The following MAP1LC3C variants were observed in gnomAD, a reference collection of about 807,000 sequenced individuals.
MAP1LC3C encodes microtubule associated protein 1 light chain 3 gamma, also known as microtubule-associated protein 1 light chain 3 gamma.
Under a neutral mutation model 10.4 loss-of-function variants are expected in MAP1LC3C, and 12 were observed. The ratio of observed to expected loss-of-function variants is 1.15; its 90% confidence interval spans 0.74 to 1.86. The LOEUF is 1.86. MAP1LC3C is among the 40% of genes most tolerant of loss of function. The pLI is 0.00. For missense variants in MAP1LC3C, 177 were observed against 185.7 expected (o/e 0.95, Z 0.27); for synonymous variants, 70 against 69.0 (o/e 1.01, Z -0.07).
upstream of MAP1LC3C, among the ~76,000 whole-genome samples, chr1:242,000,613 G>A (rs573646055): frequency 2.0e-5 from 3 of 152,212 alleles, no homozygotes; most frequent in East Asian, 5.8e-4. Flanking sequence ...TAATTGGCTA[G>A]AATGACTCAC....
At chr1:242,000,923 C>G (rs995476236), upstream of MAP1LC3C, among the ~76,000 whole-genome samples, 1 of 152,242 alleles carries the variant, frequency 6.6e-6, no homozygotes, top group East Asian at 1.9e-4. Context: ...TTCTGGCGAC[C>G]AGCCCCCATC....
intron 2 of MAP1LC3C, 62 bp from the exon 3 acceptor site, chr1:241,998,682 A>G: frequency 6.2e-7 from 1 of 1,608,652 alleles, no homozygotes; most frequent in Non-Finnish European, 8.5e-7. Flanking sequence ...CTTGGAACAG[A>G]CAGAGGGAAG....
At chr1:241,996,843 G>A (rs966036267) in intron 3 of MAP1LC3C, among the ~76,000 whole-genome samples, 7 of 137,872 alleles carry the variant, frequency 5.1e-5, no homozygotes, top group Admixed American at 1.6e-4. Context: ...ACCAGGAGGC[G>A]GAGGTTGCAG....
intron 2 of MAP1LC3C, 69 bp from the exon 3 acceptor site, chr1:241,998,689 G>A: frequency 1.2e-6 from 2 of 1,608,246 alleles, no homozygotes; most frequent in South Asian, 1.1e-5. Context: ...CAGACAGAGG[G>A]AAGCTGTTGG....
chr1:241,999,233 T>TTCTCTGACCAGCAA, upstream of MAP1LC3C: 1 of 400,308 alleles, frequency 2.5e-6, no homozygotes, highest in Non-Finnish European at 3.4e-6. Flanking sequence ...GCCACCTGCT[T>TTCTCTGACCAGCAA]GCTGGTCAGA....
intron 2 of MAP1LC3C, 70 bp downstream of exon 2, chr1:241,998,706 T>C: frequency 6.2e-7 from 1 of 1,611,564 alleles, no homozygotes; most frequent in East Asian, 2.2e-5. Flanking sequence ...TTGGCTGCTC[T>C]TGGTTTTTCA....
At chr1:241,997,828 C>G (rs1224253096) in intron 3 of MAP1LC3C, among the ~76,000 whole-genome samples, 1 of 152,066 alleles carries the variant, frequency 6.6e-6, no homozygotes, top group Non-Finnish European at 1.5e-5. Flanking sequence ...CACACATACA[C>G]TTGGAAAAGG....
At chr1:242,000,986 A>G (rs547021647), upstream of MAP1LC3C, among the ~76,000 whole-genome samples, 1 of 152,252 alleles carries the variant, frequency 6.6e-6, no homozygotes, top group Admixed American at 6.5e-5. Flanking sequence ...CTAAAAAAAG[A>G]CACTTATTGC....
Position 241,996,190 on chromosome 1 carries a change from A to G in MAP1LC3C, c.417T>C (p.Leu139=). Reference sequence around the variant, plus strand: ...AGAGAGGATTGCAGGGTCTGTCCTCAAGGCTGCTCCCATCCCTGGGGGCTG... The same window carrying G: ...AGAGAGGATTGCAGGGTCTGTCCTCGAGGCTGCTCCCATCCCTGGGGGCTG... The part of the protein sequence containing the change: ...ESAAPRDGSS[L]EDRPCNPL Residue 139 remains leucine, a synonymous_variant, in exon 4 of 4, where the codon CTT becomes CTC. Coordinates refer to ENST00000357246, the MANE Select transcript of MAP1LC3C (RefSeq NM_001004343.3). 6.2e-7 allele frequency: 1 copy of G among 1,614,022 alleles called. No individual in the cohort carries two copies. The highest frequency in any genetic ancestry group is 8.5e-7 in the Non-Finnish European group (1 of 1,180,006).
Position 241,996,193 on chromosome 1 carries a change from G to T in MAP1LC3C, c.414C>A (p.Ser138Arg), listed in dbSNP as rs750797015. ...GAGGATTGCAGGGTCTGTCCTCAAGGCTGCTCCCATCCCTGGGGGCTGCTG... is the reference window on the plus strand; with the variant it reads ...GAGGATTGCAGGGTCTGTCCTCAAGTCTGCTCCCATCCCTGGGGGCTGCTG... ...LESAAPRDGS[S>R]LEDRPCNPL The change falls in exon 4 of 4, where the codon AGC (serine) becomes AGA (arginine). Residue 138 changes from serine (S) to arginine (R), a missense_variant. By Grantham distance (110) the Ser-to-Arg change is moderately radical (BLOSUM62 -1). Coordinates refer to ENST00000357246, the MANE Select transcript of MAP1LC3C (RefSeq NM_001004343.3). 2.4e-5 allele frequency: 39 copies of T among 1,613,940 alleles called. No individual in the cohort carries two copies. Among genetic ancestry groups the T allele is most frequent in the Non-Finnish European group, 3.1e-5 (36 of 1,180,038 alleles).
intron 3 of MAP1LC3C, among the ~76,000 whole-genome samples, chr1:241,996,924 A>AAAAAAAAAAAG (rs1318135237): frequency 6.6e-6 from 1 of 150,424 alleles, no homozygotes; most frequent in Non-Finnish European, 1.5e-5. Flanking sequence ...AAAAAAAAAA[A>AAAAAAAAAAAG]AGAAAAGAAA....
upstream of MAP1LC3C, among the ~76,000 whole-genome samples, chr1:242,000,001 T>C (rs2148601708): frequency 6.6e-6 from 1 of 151,830 alleles, no homozygotes; most frequent in East Asian, 2.0e-4. Flanking sequence ...CCAAACTCCA[T>C]TTCTCCTATA....
At chr1:242,000,890 A>G (rs1218475503), upstream of MAP1LC3C, among the ~76,000 whole-genome samples, 1 of 151,898 alleles carries the variant, frequency 6.6e-6, no homozygotes, top group South Asian at 2.1e-4. Context: ...AAAAATTCCA[A>G]CCCTCTAATC....
chr1:241,999,209 A>G (rs1665149850), upstream of MAP1LC3C: 6 of 1,046,862 alleles, frequency 5.7e-6, no homozygotes, highest in African/African-American at 3.2e-5. Context: ...GTCAGTTCTG[A>G]TGGAAATGGA....
chr1:241,999,030 T>C lies in MAP1LC3C; in HGVS notation c.-22A>G, dbSNP rs942040571. The stretch of plus-strand genomic sequence containing the variant: ...GCATTGCACTCAGTAGCTGTGTCTG[T>C]TTTAAAAAAGAAAAAAAAACTGTCC... On this transcript the variant is annotated 5_prime_UTR_variant, in exon 1 of 4. Transcript: ENST00000357246. The C allele has an allele frequency of 1.2e-5, 19 of 1,587,318 alleles. No individual in the cohort carries two copies. The highest frequency in any genetic ancestry group is 1.4e-5 in the Non-Finnish European group (16 of 1,173,468).
At chr1:241,999,501 G>A (rs1408871577), upstream of MAP1LC3C, among the ~76,000 whole-genome samples, 1 of 152,122 alleles carries the variant, frequency 6.6e-6, no homozygotes, top group Non-Finnish European at 1.5e-5. Flanking sequence ...TGATTTGCTC[G>A]AGGGCACACA....
In MAP1LC3C at chr1:241,995,920, A is replaced by G; in HGVS notation, c.*243T>C. 2 of 319,064 alleles carry G rather than the reference A, an allele frequency of 6.3e-6. No individual in the cohort carries two copies. The highest frequency in any genetic ancestry group is 1.2e-5 in the Non-Finnish European group (2 of 173,374). The allele number at this position is 319,064 out of a possible 1,614,324, so 19.8% of individuals were successfully genotyped here. Reference sequence around the variant, plus strand: ...GGCAATAGAGCAAGACCCTGTTTCAAAAAAAAAAAAATGATAATTATATAA... The same window carrying G: ...GGCAATAGAGCAAGACCCTGTTTCAGAAAAAAAAAAATGATAATTATATAA... On this transcript the variant is annotated 3_prime_UTR_variant, in exon 4 of 4. Coordinates refer to ENST00000357246, the MANE Select transcript of MAP1LC3C (RefSeq NM_001004343.3).
rs940312422 is a variant in MAP1LC3C at position 241,995,707 on chromosome 1, T to G, written c.*456A>C. 1 of 153,270 alleles carries G rather than the reference T, an allele frequency of 6.5e-6. No individual in the cohort carries two copies. The highest frequency in any genetic ancestry group is 1.5e-5 in the Non-Finnish European group (1 of 68,772). The allele number at this position is 153,270 out of a possible 1,614,324, so 9.5% of individuals were successfully genotyped here. ...GCCGAGGTGGGTGGATCACCTGAGG[T>G]CAGGAGTTCGAGACCAGCCTGGCCA... On this transcript the variant is annotated 3_prime_UTR_variant, in exon 4 of 4. Coordinates refer to ENST00000357246, the MANE Select transcript of MAP1LC3C (RefSeq NM_001004343.3).
At chr1:241,997,076 T>C (rs1665100713) in intron 3 of MAP1LC3C, among the ~76,000 whole-genome samples, 1 of 151,880 alleles carries the variant, frequency 6.6e-6, no homozygotes, top group Admixed American at 6.6e-5. Flanking sequence ...TTTTTGTATT[T>C]TTAGTAGAGA....
Sources: allele counts gnomAD v4.1 joint callset (sites outside exome capture counted in the v4.1 genomes callset), GRCh38; gene constraint gnomAD v4.1.1; transcripts MANE v1.5; gene names NCBI Gene and HGNC (gene_info 2026-07-23, HGNC 2026-07-21).